SLC39A6: variants seen among roughly 807,000 people sequenced by gnomAD.
SLC39A6 encodes zinc transporter ZIP6.
A neutral mutation model predicts 63.5 loss-of-function variants in SLC39A6; 51 were observed. The ratio of observed to expected loss-of-function variants is 0.80; its 90% CI spans 0.64 to 1.01. The LOEUF is 1.01. Ranked by LOEUF, SLC39A6 falls within the 50% of genes least tolerant of loss-of-function variation. The pLI is 0.00. For missense variants in SLC39A6, 805 were observed against 927.8 expected (o/e 0.87, Z 1.72); for synonymous variants, 318 against 324.7 (o/e 0.98, Z 0.22).
At position 36,129,094 on chromosome 18, in the gene SLC39A6, C is replaced by T. The variant is rs1015086067; in HGVS notation, c.-10+20G>A. On this transcript the variant is annotated intron_variant, in intron 1 of 9. Coordinates refer to ENST00000269187, the MANE Select transcript of SLC39A6 (RefSeq NM_012319.4). ...GAGCTCCCCTCCCAGCCGCCCTGCTCCCGGACCTGAAAGACTCACGTCTCC... is the reference window on the plus strand; with the variant it reads ...GAGCTCCCCTCCCAGCCGCCCTGCTTCCGGACCTGAAAGACTCACGTCTCC... The T allele has an allele frequency of 3.3e-5, 5 of 152,734 alleles. No homozygotes were observed. Among genetic ancestry groups the T allele is most frequent in the Non-Finnish European group, 7.3e-5 (5 of 68,472 alleles). 9.5% of individuals were successfully genotyped at this position (152,734 alleles called of 1,614,324 possible).
At chr18:36,110,530 CTTTTTTAAAAAAATGATTT>C (rs2089292619) in intron 9 of SLC39A6, among the ~76,000 whole-genome samples, 1 of 119,626 alleles carries the variant, frequency 8.4e-6, no homozygotes, top group Non-Finnish European at 2.0e-5. Flanking sequence ...CATTTAAAAT[CTTTTTTAAAAAAATGATTT>C]TTTTTTTGAG....
Position 36,109,516 on chromosome 18 carries a change from C to G in SLC39A6, c.*77G>C. 1 of 1,156,244 alleles carries G rather than the reference C, an allele frequency of 8.6e-7. No individual in the cohort carries two copies. 71.6% of individuals were successfully genotyped at this position (1,156,244 alleles called of 1,614,324 possible). A position where few individuals can be genotyped will look rare whatever the true frequency, so the allele number is the denominator to read the frequency against. On this transcript the variant is annotated 3_prime_UTR_variant, in exon 10 of 10. Coordinates refer to ENST00000269187, the MANE Select transcript of SLC39A6 (RefSeq NM_012319.4). ...CACTAACTTTAAACGCTGCATAGTA[C>G]AGCATACAAACTCATCTCCCTATGA...
chr18:36,109,839 T>TACAAA, intron 9 of SLC39A6, 94 bp from the exon 10 acceptor site: 1 of 940,442 alleles, frequency 1.1e-6, no homozygotes, highest in East Asian at 2.4e-5. Context: ...GTATACTAGC[T>TACAAA]TTATTTGTAG....
At chr18:36,120,725 T>G (rs943310473) in intron 5 of SLC39A6, among the ~76,000 whole-genome samples, 1 of 152,176 alleles carries the variant, frequency 6.6e-6, no homozygotes, top group Non-Finnish European at 1.5e-5. Flanking sequence ...ACTCCTGGCC[T>G]CAAGCAATCC....
At chr18:36,116,558 A>G (rs1211555305) in intron 6 of SLC39A6, 116 bp downstream of exon 6, 1 of 680,610 alleles carries the variant, frequency 1.5e-6, no homozygotes, top group East Asian at 2.7e-5. Context: ...AGTATGAGAT[A>G]CTGCAAAAAC....
At chr18:36,115,367 G>A (rs1162420729) in intron 6 of SLC39A6, among the ~76,000 whole-genome samples, 6 of 151,856 alleles carry the variant, frequency 4.0e-5, no homozygotes, top group Non-Finnish European at 5.9e-5. Context: ...GCGTGAACCC[G>A]GGAGGCGGAG....
chr18:36,125,589 C>T (rs2089430450), intron 2 of SLC39A6, among the ~76,000 whole-genome samples: 1 of 150,596 alleles, frequency 6.6e-6, no homozygotes, highest in Non-Finnish European at 1.5e-5. Context: ...CAACTAATTC[C>T]TTGTTCCTTT....
chr18:36,129,068 G>A (rs1222749078), intron 1 of SLC39A6, 46 bp downstream of exon 1: 1 of 152,424 alleles, frequency 6.6e-6, no homozygotes, highest in East Asian at 1.9e-4. Flanking sequence ...TCTGGCCTGA[G>A]GAGCTCCCCT....
In SLC39A6 at chr18:36,109,187, T is replaced by C. The variant is rs2089282034; in HGVS notation, c.*406A>G. On this transcript the variant is annotated 3_prime_UTR_variant, in exon 10 of 10. Coordinates refer to ENST00000269187, the MANE Select transcript of SLC39A6 (RefSeq NM_012319.4). ...CCTTTATTTCTTTGCTTAAATTCAGTATAAGCTTTCTTGGTATTTTAGGCT... is the reference window on the plus strand; with the variant it reads ...CCTTTATTTCTTTGCTTAAATTCAGCATAAGCTTTCTTGGTATTTTAGGCT... 6.5e-6 allele frequency: 1 copy of C among 152,742 alleles called. No individual in the cohort carries two copies. The highest frequency in any genetic ancestry group is 1.5e-5 in the Non-Finnish European group (1 of 68,426). The allele number at this position is 152,742 out of a possible 1,614,324, so 9.5% of individuals were successfully genotyped here. A position where few individuals can be genotyped will look rare whatever the true frequency, so the allele number is the denominator to read the frequency against.
Position 36,114,384 on chromosome 18 carries a change from A to T in SLC39A6, c.1556T>A (p.Ile519Lys). The change falls in exon 7 of 10, where the codon ATA becomes AAA. Residue 519 changes from isoleucine to lysine, a missense_variant. By Grantham distance (102) the Ile-to-Lys change is moderately radical. Around this residue, in one of 4 missense-constraint regions of SLC39A6, gnomAD observed 639 missense variants for 644.0 expected, o/e 0.99. Coordinates refer to ENST00000269187, the MANE Select transcript of SLC39A6 (RefSeq NM_012319.4). ...GACTTCCTGTGGATGAGCATGAGCT[A>T]TCATGACCTCTTCTTCTTCCAAGAC... ...PAVLEEEEVM[I>K]AHAHPQEVYN... 1 of 1,614,222 alleles carries T rather than the reference A, an allele frequency of 6.2e-7. No homozygotes were observed. The highest frequency in any genetic ancestry group is 8.5e-7 in the Non-Finnish European group (1 of 1,180,042).
chr18:36,119,910 G>GA (rs753633941), intron 5 of SLC39A6, among the ~76,000 whole-genome samples: 6 of 147,612 alleles, frequency 4.1e-5, no homozygotes, highest in African/African-American at 7.5e-5. Context: ...CTTAAAAAAA[G>GA]AAAAAAAAAG....
Position 36,112,272 on chromosome 18 carries a change from A to C in SLC39A6, c.1924+229T>G, listed in dbSNP as rs1598704903. Among the ~76,000 whole-genome samples, 5 of 152,334 alleles carry C rather than the reference A, an allele frequency of 3.3e-5. No individual in the cohort carries two copies. The East Asian group carries it at 9.6e-4, about 29-fold the overall frequency. ...CATCCACTTCCCTTCAATTCCAATG[A>C]GATTCTCTTTCTCAACTTTTGTTAA... On this transcript the variant is annotated intron_variant, in intron 8 of 9. Transcript: ENST00000269187.
chr18:36,111,159 A>G lies in SLC39A6; in HGVS notation c.2015T>C (p.Met672Thr). 1 of 1,614,240 alleles carries G rather than the reference A, an allele frequency of 6.2e-7. No homozygotes were observed. The highest frequency in any genetic ancestry group is 8.5e-7 in the Non-Finnish European group (1 of 1,180,026). Residue 672 changes from methionine (M) to threonine (T), a missense_variant, in exon 9 of 10, where the codon ATG becomes ACG. Physicochemically the swap from Met to Thr is moderately conservative, Grantham distance 81. Around this residue, in one of 4 missense-constraint regions of SLC39A6, gnomAD observed 145 missense variants for 227.2 expected, o/e 0.64. Transcript: ENST00000269187. ...ATGACCAATGAAAATTCCTGTTGCC[A>G]TTCCAAGATACGCCAGCATGGCTGA... ...ALSAMLAYLG[M>T]ATGIFIGHYA...
At position 36,129,238 on chromosome 18, in the gene SLC39A6, GC is replaced by G. The variant is rs1191002536; in HGVS notation, c.-135del. 1.3e-5 allele frequency: 2 copies of G among 155,032 alleles called. No homozygotes were observed. The highest frequency in any genetic ancestry group is 2.9e-5 in the Non-Finnish European group (2 of 69,788). 9.6% of individuals were successfully genotyped at this position (155,032 alleles called of 1,614,324 possible). ...AGAAATCTCTACCAGGCGCGAACAC[GC>G]GGTGGTTTCATTGGGTTGGCTGCCC... is the stretch of plus-strand genomic sequence containing the variant. On this transcript the variant is annotated 5_prime_UTR_variant, in exon 1 of 10. An upstream open reading frame in the 5' UTR loses its in-frame stop. Transcript: ENST00000269187.
chr18:36,110,711 T>C (rs2089294026), intron 9 of SLC39A6, among the ~76,000 whole-genome samples: 5 of 152,058 alleles, frequency 3.3e-5, no homozygotes, highest in Admixed American at 3.3e-4. Flanking sequence ...GTTAATTTTT[T>C]TGTAGTTTTT....
rs2089295845 is a variant in SLC39A6 at position 36,111,060 on chromosome 18, A to C, written c.2114T>G (p.Met705Arg). Residue 705 changes from methionine (M) to arginine (R), a missense_variant and splice_region_variant, in exon 9 of 10, where the codon ATG becomes AGG. By Grantham distance (91) the Met-to-Arg change is moderately conservative. Around this residue, in one of 4 missense-constraint regions of SLC39A6, gnomAD observed 145 missense variants for 227.2 expected, o/e 0.64. Transcript: ENST00000269187. Reference protein sequence around the residue: ...GLFMYVALVDMVPEMLHNDAS... With the variant: ...GLFMYVALVDRVPEMLHNDAS... The stretch of plus-strand genomic sequence containing the variant: ...TAATAAGACTTCTTAAAAACTTACC[A>C]TATCAACCAGAGCAACATACATGAA... 2.5e-6 allele frequency: 4 copies of C among 1,613,300 alleles called. No individual in the cohort carries two copies. Among genetic ancestry groups the C allele is most frequent in the Admixed American group, 3.3e-5 (2 of 60,000 alleles).
At chr18:36,127,867 AT>A (rs2089453156) in intron 1 of SLC39A6, among the ~76,000 whole-genome samples, 1 of 151,480 alleles carries the variant, frequency 6.6e-6, no homozygotes, top group South Asian at 2.1e-4. Context: ...TCCACCTCCA[AT>A]TCCCAAAGTG....
At chr18:36,122,333 G>T in intron 4 of SLC39A6, 63 bp from the exon 5 acceptor site, 1 of 1,266,090 alleles carries the variant, frequency 7.9e-7, no homozygotes, top group Non-Finnish European at 1.1e-6. Context: ...TCAGAAAGTT[G>T]GCTAGGTAAG....
chr18:36,117,353 T>A (rs1369019748), intron 5 of SLC39A6, among the ~76,000 whole-genome samples: 1 of 152,254 alleles, frequency 6.6e-6, no homozygotes, highest in Non-Finnish European at 1.5e-5. Context: ...AAACTTCCCA[T>A]ACTTTTTATA....
Sources: gnomAD v4.1 joint callset for allele counts (sites outside exome capture counted in the v4.1 genomes callset) on GRCh38, gnomAD v4.1.1 for gene constraint, gnomAD v4.1.1 regional missense constraint, MANE v1.5 for transcripts, NCBI Gene and HGNC (gene_info 2026-07-23, HGNC 2026-07-21) for gene names.